The following STYXL1 variants were observed in gnomAD, a reference collection of about 807,000 sequenced individuals.
STYXL1 encodes the protein serine/threonine/tyrosine interacting like 1, also known as serine/threonine/tyrosine-interacting-like protein 1.
A neutral mutation model predicts 36.4 loss-of-function variants in STYXL1; 32 were observed. The observed-to-expected ratio is 0.88, with a 90% CI of 0.66 to 1.18. The LOEUF (loss-of-function observed/expected upper bound fraction) is 1.18, where lower values mean the gene tolerates loss of function less well. Among genes scored for constraint, STYXL1 ranks in the 50% most tolerant of loss-of-function variants. STYXL1 has a pLI of 0.00. For missense variants in STYXL1, 354 were observed against 394.1 expected (o/e 0.90, Z 0.86); for synonymous variants, 133 against 144.1 (o/e 0.92, Z 0.55).
chr7:76,033,613 C>T (rs1795620017), intron 1 of STYXL1, among the ~76,000 whole-genome samples: 1 of 152,204 alleles, frequency 6.6e-6, no homozygotes, highest in South Asian at 2.1e-4. Context: ...AGCACCTCAA[C>T]TTAAACCTCA....
At chr7:76,032,821 G>C (rs1309185416) in intron 1 of STYXL1, among the ~76,000 whole-genome samples, 28 of 152,206 alleles carry the variant, frequency 1.8e-4, no homozygotes, top group Non-Finnish European at 2.9e-5. Flanking sequence ...CTGCTAAACT[G>C]AGACAGAAGG....
At chr7:76,010,504 T>C (rs1412061640) in intron 5 of STYXL1, among the ~76,000 whole-genome samples, 2 of 151,544 alleles carry the variant, frequency 1.3e-5, no homozygotes, top group African/African-American at 2.4e-5. Flanking sequence ...CTGGCAGGGG[T>C]TGAAGGGAGT....
chr7:76,000,883 C>T lies in STYXL1; in HGVS notation c.810+7G>A, dbSNP rs782065553. On this transcript the variant is annotated splice_region_variant and intron_variant, in intron 8 of 8. Coordinates refer to ENST00000359697, the MANE Select transcript of STYXL1 (RefSeq NM_001317785.2). ...CGTGGTGCGAGCCTGGCCCGGGGAA[C>T]GCATACCTGCAAGGTCTGCTCGTTA... The T allele has an allele frequency of 1.9e-6, 3 of 1,611,992 alleles. No homozygotes were observed. Among genetic ancestry groups the T allele is most frequent in the African/African-American group, 1.3e-5 (1 of 74,888 alleles).
intron 8 of STYXL1, among the ~76,000 whole-genome samples, chr7:75,997,229 C>T (rs1352882139): frequency 3.9e-5 from 6 of 152,078 alleles, no homozygotes; most frequent in African/African-American, 7.2e-5. Context: ...GTCAGGAGTT[C>T]GAGACTAGCC....
chr7:76,045,337 T>C (rs1554583187), intron 1 of STYXL1: 1 of 152,204 alleles, frequency 6.6e-6, no homozygotes, highest in Non-Finnish European at 1.5e-5. Flanking sequence ...CATTTTTTTT[T>C]TCCTGGGAAT....
intron 5 of STYXL1, among the ~76,000 whole-genome samples, chr7:76,012,053 A>C (rs1792622986): frequency 6.6e-6 from 1 of 152,232 alleles, no homozygotes; most frequent in South Asian, 2.1e-4. Context: ...TAATCCCAGC[A>C]CTTTGGGAGG....
At chr7:76,007,570 G>A (rs782220483) in intron 5 of STYXL1, among the ~76,000 whole-genome samples, 5 of 152,062 alleles carry the variant, frequency 3.3e-5, no homozygotes, top group South Asian at 2.1e-4. Context: ...CTGTACAAAC[G>A]GACAGCTGTA....
At chr7:76,015,992 T>C (rs1213577871) in intron 4 of STYXL1, among the ~76,000 whole-genome samples, 2 of 152,204 alleles carry the variant, frequency 1.3e-5, no homozygotes, top group Non-Finnish European at 2.9e-5. Flanking sequence ...GGACTCACAC[T>C]GGCTTCCTTG....
chr7:76,030,497 T>C lies in STYXL1; in HGVS notation c.27A>G (p.Pro9=), dbSNP rs1044483. The stretch of plus-strand genomic sequence containing the variant: ...GATTCAGGATGTTGTAAAGCTCTGT[T>C]GGTTCACATAAAAGCAAACCAGGCA... MPGLLLCE[P]TELYNILNQA... is the part of the protein sequence containing the mutation. Residue 9 remains proline (P), a synonymous_variant, in exon 2 of 9, where the codon CCA becomes CCG. Coordinates refer to ENST00000359697, the MANE Select transcript of STYXL1 (RefSeq NM_001317785.2). 1,052,834 of 1,611,968 alleles carry C rather than the reference T, an allele frequency of 0.65. 353,613 individuals are homozygous for C. The highest frequency in any genetic ancestry group is 0.7 in the Non-Finnish European group (825,547 of 1,178,414).
chr7:76,008,875 G>A (rs1554571311), intron 5 of STYXL1, among the ~76,000 whole-genome samples: 1 of 152,036 alleles, frequency 6.6e-6, no homozygotes, highest in Non-Finnish European at 1.5e-5. Context: ...GGTGGCACAC[G>A]CCTGTAATCT....
intron 5 of STYXL1, among the ~76,000 whole-genome samples, chr7:76,011,777 G>A (rs1232116914): frequency 2.6e-5 from 4 of 152,118 alleles, no homozygotes; most frequent in Non-Finnish European, 4.4e-5. Context: ...CTCCTCCTCC[G>A]TCAGATTTGG....
At chr7:76,036,652 T>C (rs1378161352) in intron 1 of STYXL1, among the ~76,000 whole-genome samples, 3 of 147,418 alleles carry the variant, frequency 2.0e-5, no homozygotes, top group East Asian at 3.9e-4. Flanking sequence ...CATGTGAATT[T>C]TTTTTTTTTT....
At position 76,038,897 on chromosome 7, in the gene STYXL1, C is replaced by T. The variant is rs149569725; in HGVS notation, c.-4-8370G>A. 1.4e-3 allele frequency among the ~76,000 whole-genome samples: 202 copies of T among 149,176 alleles called. 10 individuals are homozygous for T. The South Asian group carries it at 0.037, about 27-fold the overall frequency. On this transcript the variant is annotated intron_variant, in intron 1 of 8. Coordinates refer to ENST00000359697, the MANE Select transcript of STYXL1 (RefSeq NM_001317785.2). ...AAACTCCTGGGCTCAAGTGAGCCTC[C>T]CACCTCAGCCTTCCGAGTAGCTGGG...
intron 7 of STYXL1, among the ~76,000 whole-genome samples, chr7:76,003,116 A>T (rs1406534862): frequency 6.6e-6 from 1 of 151,692 alleles, no homozygotes; most frequent in Non-Finnish European, 1.5e-5. Flanking sequence ...AATGAGTAAA[A>T]AATCCACTCT....
At chr7:76,015,452 T>C (rs546513581) in intron 4 of STYXL1, among the ~76,000 whole-genome samples, 28 of 152,220 alleles carry the variant, frequency 1.8e-4, no homozygotes, top group South Asian at 4.1e-4. Flanking sequence ...CTTCTTGACA[T>C]TGGCCTTGGC....
At chr7:76,029,125 A>G (rs990329665) in intron 2 of STYXL1, among the ~76,000 whole-genome samples, 17 of 152,110 alleles carry the variant, frequency 1.1e-4, no homozygotes, top group Non-Finnish European at 2.2e-4. Context: ...TCTCATAAAT[A>G]AATAAAAATG....
At chr7:76,005,855 G>GGAGAGAGGAGGAA (rs879992325) in intron 5 of STYXL1, among the ~76,000 whole-genome samples, 9,216 of 34,566 alleles carry the variant, frequency 0.27, 441 homozygotes, top group Middle Eastern at 0.42. Context: ...AGAGAGAGGA[G>GGAGAGAGGAGGAA]GAGAGAGGAG....
chr7:75,999,491 T>TTGTGTATGTGTGTGTGTGTGTG (rs150572317), intron 8 of STYXL1, among the ~76,000 whole-genome samples: 1 of 111,244 alleles, frequency 9.0e-6, no homozygotes, highest in Non-Finnish European at 1.8e-5. Flanking sequence ...AATTTTTTTG[T>TTGTGTATGTGTGTGTGTGTGTG]TGTGTGTGTG....
chr7:76,030,228 G>T (rs1554578830), intron 2 of STYXL1, among the ~76,000 whole-genome samples, 193 bp downstream of exon 2: 1 of 152,098 alleles, frequency 6.6e-6, no homozygotes, highest in African/African-American at 2.4e-5. Context: ...TGATCTCCTG[G>T]CTTCAAGTGA....
Sources: allele counts gnomAD v4.1 joint callset (sites outside exome capture counted in the v4.1 genomes callset), GRCh38; gene constraint gnomAD v4.1.1; transcripts MANE v1.5; gene names NCBI Gene and HGNC (gene_info 2026-07-23, HGNC 2026-07-21).